The following TTC27 variants were observed in gnomAD, a reference collection of about 807,000 sequenced individuals.
TTC27 encodes the protein tetratricopeptide repeat domain 27.
TTC27 carries 79 observed loss-of-function variants against 115.9 expected under a neutral mutation model. The observed-to-expected ratio is 0.68, with a 90% confidence interval of 0.57 to 0.82. The LOEUF (loss-of-function observed/expected upper bound fraction) is 0.82. Ranked by LOEUF, TTC27 falls within the 40% of genes least tolerant of loss-of-function variation. The pLI is 0.00. For missense variants in TTC27, 1,054 were observed against 993.1 expected, an observed-to-expected ratio of 1.06 and a Z score of -0.82; for synonymous variants, 401 against 356.0, an observed-to-expected ratio of 1.13 and a Z score of -1.42.
chr2:32,791,141 A>T (rs1384688575), intron 16 of TTC27, among the ~76,000 whole-genome samples: 3 of 152,172 alleles, frequency 2.0e-5, no homozygotes, highest in African/African-American at 7.2e-5. Context: ...GTTCCTACAT[A>T]ATTAGTTCCT....
chr2:32,768,223 T>A (rs573284422), intron 13 of TTC27, among the ~76,000 whole-genome samples: 313 of 152,230 alleles, frequency 2.1e-3, no homozygotes, highest in African/African-American at 7.3e-3. Flanking sequence ...AGCATTAAAA[T>A]TTTTTTACTT....
At chr2:32,805,920 A>G (rs751702390) in intron 16 of TTC27, among the ~76,000 whole-genome samples, 19 of 152,174 alleles carry the variant, frequency 1.2e-4, no homozygotes, top group Non-Finnish European at 2.6e-4. Flanking sequence ...TACTTCAGCA[A>G]CTATGTATCC....
chr2:32,778,511 C>T (rs1241252137), intron 14 of TTC27, among the ~76,000 whole-genome samples: 1 of 152,154 alleles, frequency 6.6e-6, no homozygotes, highest in African/African-American at 2.4e-5. Flanking sequence ...AAACATCCTC[C>T]CCTTCAGCCC....
At chr2:32,671,617 TC>T (rs1666018722) in intron 7 of TTC27, among the ~76,000 whole-genome samples, 1 of 152,242 alleles carries the variant, frequency 6.6e-6, no homozygotes, top group African/African-American at 2.4e-5. Context: ...ATTCTTGAAA[TC>T]AAGTACTTCC....
At chr2:32,711,174 T>G (rs1667567197) in intron 10 of TTC27, among the ~76,000 whole-genome samples, 2 of 151,372 alleles carry the variant, frequency 1.3e-5, no homozygotes, top group South Asian at 4.2e-4. Flanking sequence ...CAAATCACTG[T>G]GCTCTGGCAT....
intron 6 of TTC27, among the ~76,000 whole-genome samples, chr2:32,665,709 AT>A (rs1240103240): frequency 6.6e-6 from 1 of 152,116 alleles, no homozygotes; most frequent in African/African-American, 2.4e-5. Context: ...CCTGGCCAAC[AT>A]GGCAAAACCC....
rs1437777009 is a variant in TTC27, at chr2:32,630,457, G to A, written c.89-66G>A. 4.7e-6 allele frequency: 6 copies of A among 1,271,370 alleles called. No individual in the cohort carries two copies. The East Asian group carries it at 9.3e-5, about 20-fold the overall frequency. 78.8% of individuals were successfully genotyped at this position (1,271,370 alleles called of 1,614,324 possible). On this transcript the variant is annotated intron_variant, in intron 1 of 19. Coordinates refer to ENST00000317907, the MANE Select transcript of TTC27 (RefSeq NM_017735.5). ...ACTAAAATGGTAGATTTACCTAATA[G>A]TGTTATCCTTTACGGTATGAAAAAT...
In TTC27 at chr2:32,724,719, T is replaced by G. The variant is rs1175449517; in HGVS notation, c.1234-9109T>G. ...AAGGACTATTGACAGATGAACTGAT[T>G]ATTCAGACTTGGGTATTTGGTGGAA... is the stretch of plus-strand genomic sequence containing the variant. On this transcript the variant is annotated intron_variant, in intron 10 of 19. Transcript: ENST00000317907. 3.9e-5 allele frequency among the ~76,000 whole-genome samples: 6 copies of G among 152,316 alleles called. No individual in the cohort carries two copies. The East Asian group carries it at 1.2e-3, about 29-fold the overall frequency.
chr2:32,811,233 A>C lies in TTC27; in HGVS notation c.2196+12A>C, dbSNP rs780485809. On this transcript the variant is annotated intron_variant, in intron 17 of 19. Coordinates refer to ENST00000317907, the MANE Select transcript of TTC27 (RefSeq NM_017735.5). The stretch of plus-strand genomic sequence containing the variant: ...ATGAAAATGAAAAGGCAAGTCCTTC[A>C]TTCCTCCTGAGTCCTTGCCTTTCGT... 1 of 1,609,504 alleles carries C rather than the reference A, an allele frequency of 6.2e-7. No individual in the cohort carries two copies. The highest frequency in any genetic ancestry group is 1.1e-5 in the South Asian group (1 of 90,226).
rs544824583 is a variant in TTC27, at chr2:32,754,661, A to G, written c.1453-3631A>G. Among the ~76,000 whole-genome samples the G allele has an allele frequency of 9.3e-3, 1,407 of 151,272 alleles. 19 individuals carry two copies. The highest frequency in any genetic ancestry group is 0.033 in the African/African-American group (1,365 of 41,186). On this transcript the variant is annotated intron_variant, in intron 12 of 19. Coordinates refer to ENST00000317907, the MANE Select transcript of TTC27 (RefSeq NM_017735.5). ...GCCCATTCTCAATGAGCTGTTGGGTACACCTCCCAGACGGGGTCGTGGCCG... is the reference window on the plus strand; with the variant it reads ...GCCCATTCTCAATGAGCTGTTGGGTGCACCTCCCAGACGGGGTCGTGGCCG...
intron 3 of TTC27, among the ~76,000 whole-genome samples, chr2:32,638,839 C>A (rs1664524861): frequency 6.6e-6 from 1 of 151,862 alleles, no homozygotes; most frequent in African/African-American, 2.4e-5. Context: ...TCAGTTATTT[C>A]ATTTTTTTTT....
chr2:32,818,268 GAAT>G (rs1671573018), intron 19 of TTC27, among the ~76,000 whole-genome samples: 1 of 152,042 alleles, frequency 6.6e-6, no homozygotes, highest in African/African-American at 2.4e-5. Context: ...ATAATTTCAT[GAAT>G]ATTATTGCTT....
chr2:32,678,700 C>G (rs530294872), intron 8 of TTC27, among the ~76,000 whole-genome samples, 156 bp from the exon 9 acceptor site: 1 of 152,038 alleles, frequency 6.6e-6, no homozygotes, highest in African/African-American at 2.4e-5. Flanking sequence ...GTGTTGGGAT[C>G]ACAGGTGTGA....
At chr2:32,666,855 T>G in intron 7 of TTC27, 87 bp downstream of exon 7, 1 of 1,439,906 alleles carries the variant, frequency 6.9e-7, no homozygotes, top group Non-Finnish European at 9.4e-7. Context: ...ACTGAATGGG[T>G]TGGGGACAGA....
At chr2:32,678,669 T>C (rs1666310714) in intron 8 of TTC27, among the ~76,000 whole-genome samples, 187 bp from the exon 9 acceptor site, 1 of 152,094 alleles carries the variant, frequency 6.6e-6, no homozygotes, top group Admixed American at 6.6e-5. Context: ...CCTTGTGATC[T>C]GCCCGCCTCG....
intron 13 of TTC27, among the ~76,000 whole-genome samples, chr2:32,773,619 T>C (rs1669901106): frequency 6.6e-6 from 1 of 152,230 alleles, no homozygotes; most frequent in Non-Finnish European, 1.5e-5. Flanking sequence ...TCTGACTCTT[T>C]GTCGCCTCTC....
chr2:32,641,309 A>C (rs1194277023), intron 4 of TTC27, among the ~76,000 whole-genome samples: 1 of 152,196 alleles, frequency 6.6e-6, no homozygotes, highest in South Asian at 2.1e-4. Context: ...GTGTTGCGCT[A>C]TTCAACTCTG....
chr2:32,751,292 ACACACACACATG>A (rs1035848448), intron 12 of TTC27, among the ~76,000 whole-genome samples: 1 of 151,504 alleles, frequency 6.6e-6, no homozygotes, highest in African/African-American at 2.4e-5. Context: ...ACACACACAC[ACACACACACATG>A]CACACACATA....
chr2:32,802,195 G>T (rs1296830531), intron 16 of TTC27, among the ~76,000 whole-genome samples: 1 of 152,068 alleles, frequency 6.6e-6, no homozygotes, highest in African/African-American at 2.4e-5. Context: ...AGGCAAGTGG[G>T]CCTTTGCTTA....
Sources: gnomAD v4.1 joint callset for allele counts (sites outside exome capture counted in the v4.1 genomes callset) on GRCh38, gnomAD v4.1.1 for gene constraint, MANE v1.5 for transcripts, NCBI Gene and HGNC (gene_info 2026-07-23, HGNC 2026-07-21) for gene names.